The following FSTL5 variants were observed in gnomAD, a reference collection of about 807,000 sequenced individuals.
FSTL5 encodes the protein follistatin like 5.
Under a neutral mutation model 89.1 loss-of-function variants are expected in FSTL5, and 62 were observed. That is an observed-to-expected ratio of 0.70 (90% CI 0.57 to 0.86). The LOEUF (loss-of-function observed/expected upper bound fraction) is 0.86, where lower values mean the gene tolerates loss of function less well. Ranked by LOEUF, FSTL5 falls within the 40% of genes least tolerant of loss-of-function variation. FSTL5 has a pLI of 0.00. For missense variants in FSTL5, 1,057 were observed against 1,001.6 expected (o/e 1.06, Z -0.75); for synonymous variants, 383 against 346.2 (o/e 1.11, Z -1.18).
chr4:162,100,553 C>T (rs571084537), intron 2 of FSTL5, among the ~76,000 whole-genome samples: 2 of 151,960 alleles, frequency 1.3e-5, no homozygotes, highest in African/African-American at 4.8e-5. Flanking sequence ...ATATTTAGGG[C>T]GATGAAACTA....
intron 2 of FSTL5, among the ~76,000 whole-genome samples, chr4:162,076,860 G>A (rs1171946042): frequency 6.6e-6 from 1 of 151,688 alleles, no homozygotes; most frequent in Non-Finnish European, 1.5e-5. Flanking sequence ...AACCATATAG[G>A]TTGCTGAAAC....
chr4:161,916,738 C>T (rs1440609), intron 4 of FSTL5, among the ~76,000 whole-genome samples: 123,841 of 151,926 alleles, frequency 0.82, 51,387 homozygotes, highest in Non-Finnish European at 0.89. Context: ...GGTAAATTTA[C>T]GTGTATATTT....
At chr4:161,960,922 T>C (rs1262226915) in intron 3 of FSTL5, among the ~76,000 whole-genome samples, 2 of 152,026 alleles carry the variant, frequency 1.3e-5, no homozygotes, top group Non-Finnish European at 1.5e-5. Flanking sequence ...GGAAATGCAA[T>C]GAGTTCCTTT....
At chr4:161,877,355 T>C (rs1732478564) in intron 4 of FSTL5, among the ~76,000 whole-genome samples, 1 of 150,596 alleles carries the variant, frequency 6.6e-6, no homozygotes, top group South Asian at 2.1e-4. Flanking sequence ...AAGAACCATA[T>C]GTAATATTGT....
intron 5 of FSTL5, among the ~76,000 whole-genome samples, chr4:161,771,655 G>C (rs1741214770): frequency 6.6e-6 from 1 of 151,986 alleles, no homozygotes; most frequent in African/African-American, 2.4e-5. Flanking sequence ...CTTAATCTTT[G>C]TTGATGTCCC....
chr4:161,412,838 T>C (rs888686953), intron 15 of FSTL5, among the ~76,000 whole-genome samples: 2 of 152,154 alleles, frequency 1.3e-5, no homozygotes, highest in East Asian at 1.9e-4. Flanking sequence ...CTATTCAATA[T>C]ACAGTGCTGG....
chr4:161,708,484 C>T (rs1424783933), intron 6 of FSTL5, among the ~76,000 whole-genome samples: 2 of 152,008 alleles, frequency 1.3e-5, no homozygotes, highest in Non-Finnish European at 2.9e-5. Flanking sequence ...GTGAAACCTG[C>T]ACTGTGAGTC....
At chr4:162,115,829 G>A (rs1327468615) in intron 1 of FSTL5, among the ~76,000 whole-genome samples, 2 of 152,008 alleles carry the variant, frequency 1.3e-5, no homozygotes, top group Non-Finnish European at 1.5e-5. Flanking sequence ...TGCTTGCTGG[G>A]GGTAGGATTT....
At position 161,384,548 on chromosome 4, in the gene FSTL5, C is replaced by A. The variant is rs1280941206; in HGVS notation, c.*1199G>T. On this transcript the variant is annotated 3_prime_UTR_variant, in exon 16 of 16. Transcript: ENST00000306100. ...ATTCGTTAGGTTTCAAACTACAGCA[C>A]ATAGTGAGAAGATGCTTTTAGGATT... 6.6e-6 allele frequency: 1 copy of A among 151,994 alleles called. No homozygotes were observed. The highest frequency in any genetic ancestry group is 1.5e-5 in the Non-Finnish European group (1 of 67,966). 9.4% of individuals were successfully genotyped at this position (151,994 alleles called of 1,614,324 possible).
chr4:161,868,031 C>T (rs1732146615), intron 4 of FSTL5, among the ~76,000 whole-genome samples: 1 of 151,952 alleles, frequency 6.6e-6, no homozygotes, highest in South Asian at 2.1e-4. Context: ...AGTATGCTCT[C>T]AACCACATTA....
At chr4:161,928,298 C>T (rs1254978046) in intron 3 of FSTL5, among the ~76,000 whole-genome samples, 3 of 151,778 alleles carry the variant, frequency 2.0e-5, no homozygotes, top group African/African-American at 7.3e-5. Context: ...GTTTATTTAT[C>T]CATTCACCTA....
chr4:162,041,202 TAA>T (rs5863513), intron 2 of FSTL5, among the ~76,000 whole-genome samples: 39,061 of 97,796 alleles, frequency 0.4, 6,859 homozygotes, highest in Middle Eastern at 0.48. Flanking sequence ...GATGAGATGG[TAA>T]AAAAAAAAAA....
At chr4:161,732,974 T>C (rs1368731363) in intron 6 of FSTL5, among the ~76,000 whole-genome samples, 1 of 151,882 alleles carries the variant, frequency 6.6e-6, no homozygotes, top group East Asian at 1.9e-4. Flanking sequence ...TTTTATATAC[T>C]CTTTATTTCC....
At chr4:161,608,943 C>A (rs1007830151) in intron 7 of FSTL5, among the ~76,000 whole-genome samples, 1 of 152,012 alleles carries the variant, frequency 6.6e-6, no homozygotes, top group Admixed American at 6.6e-5. Context: ...CTTCTATGTC[C>A]TTCTGATATT....
chr4:161,487,084 GA>G (rs1729706626), intron 12 of FSTL5, among the ~76,000 whole-genome samples: 1 of 152,010 alleles, frequency 6.6e-6, no homozygotes, highest in Admixed American at 6.5e-5. Context: ...AATTTTCACA[GA>G]ATTTTTATTT....
chr4:161,525,193 T>A (rs890623543), intron 10 of FSTL5, among the ~76,000 whole-genome samples: 1 of 152,176 alleles, frequency 6.6e-6, no homozygotes, highest in African/African-American at 2.4e-5. Flanking sequence ...CACTCAACTT[T>A]CTTTCTGAAA....
At chr4:161,760,638 A>G (rs1023332250) in intron 5 of FSTL5, among the ~76,000 whole-genome samples, 1 of 152,202 alleles carries the variant, frequency 6.6e-6, no homozygotes, top group Non-Finnish European at 1.5e-5. Flanking sequence ...TGATCATTTA[A>G]CATTAAAAAT....
intron 3 of FSTL5, among the ~76,000 whole-genome samples, chr4:161,972,785 C>T (rs1192469054): frequency 6.6e-6 from 1 of 152,152 alleles, no homozygotes; most frequent in African/African-American, 2.4e-5. Flanking sequence ...TTTTAAGTAT[C>T]TAAGTTTGTG....
At chr4:161,862,714 G>T (rs768784303) in intron 4 of FSTL5, among the ~76,000 whole-genome samples, 1 of 152,090 alleles carries the variant, frequency 6.6e-6, no homozygotes, top group East Asian at 1.9e-4. Context: ...CCTGGTGACA[G>T]AGAGAGACTC....
Sources: allele counts gnomAD v4.1 joint callset (sites outside exome capture counted in the v4.1 genomes callset), GRCh38; gene constraint gnomAD v4.1.1; transcripts MANE v1.5; gene names NCBI Gene and HGNC (gene_info 2026-07-23, HGNC 2026-07-21).